TRPC5: variants seen among roughly 807,000 people sequenced by gnomAD.
TRPC5 encodes the protein transient receptor potential cation channel subfamily C member 5.
TRPC5 carries 9 observed loss-of-function variants against 56.5 expected under a neutral mutation model. The observed-to-expected ratio is 0.16, with a 90% CI of 0.10 to 0.28. The LOEUF is 0.28. Among genes scored for constraint, TRPC5 ranks in the 10% least tolerant of loss-of-function variants. The pLI is 1.00. For synonymous variants in TRPC5, 282 were observed against 278.5 expected (o/e 1.01, Z -0.13); for missense variants, 469 against 748.9 (o/e 0.63, Z 4.36).
chrX:111,916,414 C>T (rs1240681974), intron 2 of TRPC5, among the ~76,000 whole-genome samples: 3 of 111,963 alleles, frequency 2.7e-5, no homozygotes, highest in Non-Finnish European at 3.8e-5. Flanking sequence ...ATTCCTTCTA[C>T]CCCTTCTGCT....
At chrX:111,804,578 C>T (rs919839775) in intron 7 of TRPC5, among the ~76,000 whole-genome samples, 5 of 111,045 alleles carry the variant, frequency 4.5e-5, no homozygotes, top group Non-Finnish European at 7.5e-5. Flanking sequence ...GTCCCTTGTA[C>T]GTAGGATTCC....
intron 6 of TRPC5, 43 bp downstream of exon 6, chrX:111,847,071 C>CAA (rs200604504): frequency 8.4e-5 from 73 of 868,026 alleles, no homozygotes; most frequent in Admixed American, 2.5e-4. Flanking sequence ...GAAAAAATGG[C>CAA]AAAAAAAAAA....
At chrX:112,018,840 C>T (rs1020595254) in intron 1 of TRPC5, among the ~76,000 whole-genome samples, 2 of 111,947 alleles carry the variant, frequency 1.8e-5, no homozygotes, top group African/African-American at 3.3e-5. Flanking sequence ...TCATTTCATT[C>T]GATTTGTTGG....
At chrX:111,906,521 G>T (rs773600717) in intron 3 of TRPC5, among the ~76,000 whole-genome samples, 1 of 111,152 alleles carries the variant, frequency 9.0e-6, no homozygotes. Flanking sequence ...CTATAACTTC[G>T]AAGTTTTTAA....
At chrX:111,865,092 T>C (rs993524032) in intron 3 of TRPC5, among the ~76,000 whole-genome samples, 84 of 110,940 alleles carry the variant, frequency 7.6e-4, no homozygotes, top group Non-Finnish European at 3.6e-4. Context: ...CCTAGCTCAC[T>C]GCAATCTCCG....
At chrX:111,864,210 G>A (rs933707646) in intron 3 of TRPC5, among the ~76,000 whole-genome samples, 6 of 110,736 alleles carry the variant, frequency 5.4e-5, no homozygotes, top group African/African-American at 6.6e-5. Flanking sequence ...GGATGGTCTC[G>A]ATCTCCTGAC....
chrX:111,912,903 T>TA lies in TRPC5; in HGVS notation c.379-92dup, dbSNP rs1173719866. The TA allele has an allele frequency of 1.8e-5, 17 of 946,213 alleles. No homozygotes were observed. The East Asian group carries it at 5.3e-4, about 29-fold the overall frequency. The allele number at this position is 946,213 out of a possible 1,213,427, so 78.0% of individuals were successfully genotyped here. A position where few individuals can be genotyped will look rare whatever the true frequency, so the allele number is the denominator to read the frequency against. On this transcript the variant is annotated intron_variant, in intron 2 of 10. Transcript: ENST00000262839. ...TATAAAATGCTGGCGATTCAGGAAT[T>TA]AGAGTCTCCATTCTTGTTTCAATTC...
At chrX:111,785,620 C>T (rs1177475143) in intron 7 of TRPC5, among the ~76,000 whole-genome samples, 2 of 111,628 alleles carry the variant, frequency 1.8e-5, no homozygotes, top group Non-Finnish European at 3.8e-5. Context: ...CTACTCTGAG[C>T]TAAAGGAGGA....
rs928155471 is a variant in TRPC5, at chrX:111,792,078, C to G, written c.1897-9940G>C. Among the ~76,000 whole-genome samples the G allele has an allele frequency of 2.7e-5, 3 of 111,965 alleles. No homozygotes were observed. The Admixed American group carries it at 2.8e-4, about 11-fold the overall frequency. On this transcript the variant is annotated intron_variant, in intron 7 of 10. Coordinates refer to ENST00000262839, the MANE Select transcript of TRPC5 (RefSeq NM_012471.3). ...AACACAAATGCCCATCAATGATGGACTGGATAAAGAAAATGTGGCACATAT... is the reference window on the plus strand; with the variant it reads ...AACACAAATGCCCATCAATGATGGAGTGGATAAAGAAAATGTGGCACATAT...
chrX:111,995,369 G>C (rs1928495260), intron 1 of TRPC5, among the ~76,000 whole-genome samples: 1 of 111,998 alleles, frequency 8.9e-6, no homozygotes, highest in South Asian at 3.7e-4. Context: ...CGGTTTGCCA[G>C]TATTTTATTG....
In TRPC5 at chrX:111,786,304, C is replaced by G. The variant is rs780112395; in HGVS notation, c.1897-4166G>C. Among the ~76,000 whole-genome samples the G allele has an allele frequency of 6.3e-5, 7 of 111,246 alleles. No homozygotes were observed. In the South Asian group the frequency reaches 1.9e-3, roughly 30 times the overall value. On this transcript the variant is annotated intron_variant, in intron 7 of 10. Coordinates refer to ENST00000262839, the MANE Select transcript of TRPC5 (RefSeq NM_012471.3). Reference sequence around the variant, plus strand: ...GAATTTTCAACCCAGAATTTCATATCCACCCAAACTAAGCTTCATAAGTGA... The same window carrying G: ...GAATTTTCAACCCAGAATTTCATATGCACCCAAACTAAGCTTCATAAGTGA...
intron 1 of TRPC5, among the ~76,000 whole-genome samples, chrX:112,049,580 G>A (rs1930162702): frequency 9.3e-6 from 1 of 107,810 alleles, no homozygotes; most frequent in African/African-American, 3.3e-5. Flanking sequence ...TGTTGCCCAG[G>A]CTGGGCTCAA....
At chrX:111,813,337 A>C (rs1603040088) in intron 7 of TRPC5, among the ~76,000 whole-genome samples, 1 of 112,366 alleles carries the variant, frequency 8.9e-6, no homozygotes, top group East Asian at 2.8e-4. Flanking sequence ...AGAGCAGGCC[A>C]AGGCTTCTAT....
chrX:111,822,829 C>A (rs1012987224), intron 7 of TRPC5, among the ~76,000 whole-genome samples: 14 of 111,538 alleles, frequency 1.3e-4, no homozygotes, highest in Admixed American at 1.9e-4. Context: ...GGCACTGGAA[C>A]CTTTCTGTCA....
chrX:111,980,910 T>C (rs1307793904), intron 1 of TRPC5, among the ~76,000 whole-genome samples: 4 of 96,125 alleles, frequency 4.2e-5, no homozygotes, highest in Non-Finnish European at 8.1e-5. Flanking sequence ...ATTATATATA[T>C]GTATATATAT....
Position 111,970,998 on chromosome X carries a change from T to C in TRPC5, c.-21-18557A>G, listed in dbSNP as rs1038764303. Among the ~76,000 whole-genome samples the C allele has an allele frequency of 2.2e-3, 248 of 110,640 alleles. 1 individual carries two copies. Among genetic ancestry groups the C allele is most frequent in the Non-Finnish European group, 3.4e-3 (180 of 52,820 alleles). ...TTTCACCGTGTTAGCCAGGATGGTC[T>C]CGATCTCCTGACCTCGTGATCCGCC... On this transcript the variant is annotated intron_variant, in intron 1 of 10. Transcript: ENST00000262839.
At chrX:111,993,101 T>C (rs1316944087) in intron 1 of TRPC5, among the ~76,000 whole-genome samples, 1 of 101,056 alleles carries the variant, frequency 9.9e-6, no homozygotes, top group Non-Finnish European at 2.0e-5. Flanking sequence ...ATGCCCTGTG[T>C]CCAAGTGATC....
intron 2 of TRPC5, among the ~76,000 whole-genome samples, chrX:111,931,427 G>A (rs1926411258): frequency 1.8e-5 from 2 of 112,425 alleles, no homozygotes; most frequent in African/African-American, 6.5e-5. Flanking sequence ...TATATTTGGA[G>A]TTAAGAAATT....
At chrX:112,011,721 T>C (rs993494935) in intron 1 of TRPC5, among the ~76,000 whole-genome samples, 3 of 110,535 alleles carry the variant, frequency 2.7e-5, no homozygotes, top group African/African-American at 9.9e-5. Flanking sequence ...TAGTGGTGAG[T>C]CCGTTCATTC....
Sources: gnomAD v4.1 joint callset for allele counts (sites outside exome capture counted in the v4.1 genomes callset) on GRCh38, gnomAD v4.1.1 for gene constraint, MANE v1.5 for transcripts, NCBI Gene and HGNC (gene_info 2026-07-23, HGNC 2026-07-21) for gene names.